CFAP61: variants seen among roughly 807,000 people sequenced by gnomAD.
CFAP61 encodes the protein cilia- and flagella-associated protein 61.
A neutral mutation model predicts 135.6 loss-of-function variants in CFAP61; 107 were observed. The ratio of observed to expected loss-of-function variants is 0.79; its 90% CI spans 0.67 to 0.93. The LOEUF is 0.93. Among genes scored for constraint, CFAP61 ranks in the 40% least tolerant of loss-of-function variants. CFAP61 has a pLI of 0.00. For synonymous variants in CFAP61, 575 were observed against 578.5 expected (o/e 0.99, Z 0.09); for missense variants, 1,507 against 1,556.2 (o/e 0.97, Z 0.53).
intron 26 of CFAP61, among the ~76,000 whole-genome samples, chr20:20,354,222 G>T (rs1292579765): frequency 2.0e-5 from 3 of 152,090 alleles, no homozygotes; most frequent in African/African-American, 7.2e-5. Flanking sequence ...AATAATTCGG[G>T]TACAGCCGGG....
chr20:20,336,144 C>G (rs2058181923), intron 25 of CFAP61, among the ~76,000 whole-genome samples: 2 of 152,114 alleles, frequency 1.3e-5, no homozygotes, highest in Admixed American at 6.5e-5. Context: ...GAACAGGATG[C>G]CTCCCAGAGT....
intron 26 of CFAP61, among the ~76,000 whole-genome samples, chr20:20,350,280 A>C (rs529689300): frequency 5.3e-4 from 81 of 152,340 alleles, no homozygotes; most frequent in African/African-American, 1.9e-3. Flanking sequence ...GTTCCTCAGA[A>C]AGTTACACAC....
chr20:20,209,725 C>T (rs1454834100), intron 17 of CFAP61, among the ~76,000 whole-genome samples: 1 of 152,060 alleles, frequency 6.6e-6, no homozygotes, highest in Non-Finnish European at 1.5e-5. Flanking sequence ...GAGATTTCTT[C>T]TTTCATGTTT....
At chr20:20,348,321 G>C (rs2058704143) in intron 26 of CFAP61, among the ~76,000 whole-genome samples, 1 of 152,140 alleles carries the variant, frequency 6.6e-6, no homozygotes, top group East Asian at 1.9e-4. Flanking sequence ...ACCCAGCTGA[G>C]TGAGATTTAC....
intron 10 of CFAP61, among the ~76,000 whole-genome samples, chr20:20,162,583 G>A (rs537726710): frequency 6.6e-6 from 1 of 152,226 alleles, no homozygotes; most frequent in East Asian, 1.9e-4. Context: ...CGATATGAGG[G>A]CCTAAATGAT....
At chr20:20,273,954 T>A (rs1238626397) in intron 21 of CFAP61, among the ~76,000 whole-genome samples, 1 of 152,206 alleles carries the variant, frequency 6.6e-6, no homozygotes, top group Non-Finnish European at 1.5e-5. Context: ...CTCTGATAAA[T>A]GTAAGTAATC....
intron 12 of CFAP61, 49 bp from the exon 13 acceptor site, chr20:20,169,268 TTTGA>T (rs774630916): frequency 1.9e-6 from 3 of 1,542,214 alleles, no homozygotes; most frequent in Non-Finnish European, 2.6e-6. Context: ...GAATTTGTTT[TTTGA>T]TTAATTTTTT....
At chr20:20,226,989 TTC>T (rs2048781809) in intron 17 of CFAP61, among the ~76,000 whole-genome samples, 1 of 152,354 alleles carries the variant, frequency 6.6e-6, no homozygotes, top group Admixed American at 6.5e-5. Context: ...TGTTTTAAAT[TTC>T]TATCAATATA....
Position 20,217,571 on chromosome 20 carries a change from C to T in CFAP61, c.1933-10678C>T, listed in dbSNP as rs542102169. ...CAAACTTCTCAGAAAAATGAGTTTT[C>T]TGCCACTGCTATCGTTGTTCTAGCA... On this transcript the variant is annotated intron_variant, in intron 17 of 26. Transcript: ENST00000245957. Among the ~76,000 whole-genome samples the T allele has an allele frequency of 2.0e-5, 3 of 152,334 alleles. 1 individual carries two copies. In the South Asian group the frequency reaches 6.2e-4, roughly 32 times the overall value.
At chr20:20,216,092 C>T (rs566876309) in intron 17 of CFAP61, among the ~76,000 whole-genome samples, 1 of 152,286 alleles carries the variant, frequency 6.6e-6, no homozygotes, top group South Asian at 2.1e-4. Flanking sequence ...AGCAGTCATG[C>T]AAACACATTT....
chr20:20,278,629 G>GT (rs1041912503), intron 22 of CFAP61, among the ~76,000 whole-genome samples: 6 of 152,340 alleles, frequency 3.9e-5, no homozygotes, highest in Admixed American at 1.3e-4. Context: ...TTACCTAGGA[G>GT]TGGGGGGTGA....
chr20:20,300,794 C>T (rs569197009), intron 25 of CFAP61, among the ~76,000 whole-genome samples: 186 of 151,934 alleles, frequency 1.2e-3, no homozygotes, highest in Non-Finnish European at 2.1e-3. Context: ...TTAGTAGAGA[C>T]GGGGTTTCAC....
At chr20:20,328,053 G>C (rs2122289625) in intron 25 of CFAP61, among the ~76,000 whole-genome samples, 1 of 152,284 alleles carries the variant, frequency 6.6e-6, no homozygotes, top group East Asian at 1.9e-4. Context: ...TGTGCAGGCT[G>C]GTTTCAGTGC....
chr20:20,314,902 T>C (rs977008308), intron 25 of CFAP61, among the ~76,000 whole-genome samples: 7 of 133,734 alleles, frequency 5.2e-5, no homozygotes, highest in Admixed American at 4.6e-4. Context: ...TTCCATGGTG[T>C]ATATGTGCCA....
intron 25 of CFAP61, among the ~76,000 whole-genome samples, chr20:20,312,832 C>T (rs1168503033): frequency 6.6e-6 from 1 of 152,174 alleles, no homozygotes; most frequent in Non-Finnish European, 1.5e-5. Flanking sequence ...TTTTAGAATG[C>T]ATTGATTATA....
chr20:20,076,805 G>A (rs2046080364), intron 6 of CFAP61, among the ~76,000 whole-genome samples: 2 of 152,158 alleles, frequency 1.3e-5, no homozygotes, highest in Non-Finnish European at 2.9e-5. Flanking sequence ...TGCTGGCATC[G>A]GATAGATCTG....
At chr20:20,158,782 C>G (rs1456555201) in intron 9 of CFAP61, among the ~76,000 whole-genome samples, 1 of 152,072 alleles carries the variant, frequency 6.6e-6, no homozygotes, top group Non-Finnish European at 1.5e-5. Flanking sequence ...AACATGGAAG[C>G]TTGGGGGGCG....
intron 6 of CFAP61, among the ~76,000 whole-genome samples, chr20:20,077,170 A>G (rs2046112782): frequency 6.6e-6 from 1 of 152,186 alleles, no homozygotes; most frequent in South Asian, 2.1e-4. Context: ...CTAAATGTCC[A>G]TCCACCAGTT....
At chr20:20,298,074 A>G (rs2055779185) in intron 24 of CFAP61, 107 bp from the exon 25 acceptor site, 1 of 731,668 alleles carries the variant, frequency 1.4e-6, no homozygotes, top group Non-Finnish European at 2.4e-6. Context: ...AAAGAGGGAT[A>G]AGATATAACC....
Sources: allele counts gnomAD v4.1 joint callset (sites outside exome capture counted in the v4.1 genomes callset), GRCh38; gene constraint gnomAD v4.1.1; transcripts MANE v1.5; gene names NCBI Gene and HGNC (gene_info 2026-07-23, HGNC 2026-07-21).